Variants in METTL16 observed in about 807,000 individuals in gnomAD.
METTL16 encodes RNA N(6)-adenosine-methyltransferase METTL16.
In METTL16, 19 loss-of-function variants were observed where a neutral mutation model predicts 57.9. The ratio of observed to expected loss-of-function variants is 0.33; its 90% confidence interval spans 0.23 to 0.48. The LOEUF (loss-of-function observed/expected upper bound fraction) is 0.48, where lower values mean the gene tolerates loss of function less well. Ranked by LOEUF, METTL16 falls within the 20% of genes least tolerant of loss-of-function variation. METTL16 has a pLI of 0.99. For missense variants in METTL16, 434 were observed against 691.5 expected (o/e 0.63, Z 4.18); for synonymous variants, 246 against 255.6 (o/e 0.96, Z 0.36).
At chr17:2,474,393 A>G (rs2067255819) in intron 3 of METTL16, among the ~76,000 whole-genome samples, 1 of 150,804 alleles carries the variant, frequency 6.6e-6, no homozygotes, top group East Asian at 1.9e-4. Context: ...AAAGAAAAAA[A>G]AAAAAAAAAA....
At chr17:2,438,593 C>G (rs920966746) in intron 7 of METTL16, among the ~76,000 whole-genome samples, 4 of 152,110 alleles carry the variant, frequency 2.6e-5, no homozygotes, top group Non-Finnish European at 5.9e-5. Context: ...CCTCCACCTC[C>G]CAGATTCAAG....
At chr17:2,474,293 G>C (rs1019488153) in intron 3 of METTL16, among the ~76,000 whole-genome samples, 7 of 147,370 alleles carry the variant, frequency 4.7e-5, no homozygotes, top group African/African-American at 1.8e-4. Flanking sequence ...TTCTCCAAAA[G>C]CAGGAAAAAA....
chr17:2,460,633 C>T (rs2067142976), intron 6 of METTL16, among the ~76,000 whole-genome samples: 1 of 152,278 alleles, frequency 6.6e-6, no homozygotes, highest in Non-Finnish European at 1.5e-5. Context: ...CGCCTGTAAT[C>T]CCAGCACTTT....
At chr17:2,488,591 A>G (rs2067360960) in intron 2 of METTL16, among the ~76,000 whole-genome samples, 1 of 152,128 alleles carries the variant, frequency 6.6e-6, no homozygotes, top group African/African-American at 2.4e-5. Flanking sequence ...AAAAAAAACA[A>G]AAAAAAGGAA....
In METTL16 at chr17:2,420,819, G is replaced by A; in HGVS notation, c.974C>T (p.Ser325Phe). 1 of 1,614,206 alleles carries A rather than the reference G, an allele frequency of 6.2e-7. No homozygotes were observed. Among genetic ancestry groups the A allele is most frequent in the Non-Finnish European group, 8.5e-7 (1 of 1,180,048 alleles). The part of the protein sequence containing the change: ...VVLASVMKEL[S>F]LKASPLRSET... ...CGAGCGCAGAGGTGATGCTTTGAGG[G>A]ATAATTCCTTCATCACGGACGCCAG... Residue 325 changes from serine (S) to phenylalanine (F), a missense_variant, in exon 9 of 10, where the codon TCC (serine) becomes TTC (phenylalanine). Transcript: ENST00000263092. The surrounding 1 kb of genome is among the most constrained non-coding windows in gnomAD (Gnocchi z 5.4).
At chr17:2,510,607 G>A (rs957875061) in intron 1 of METTL16, among the ~76,000 whole-genome samples, 6 of 152,082 alleles carry the variant, frequency 3.9e-5, no homozygotes, top group African/African-American at 1.4e-4. Flanking sequence ...CCCAATATAG[G>A]CAATGAGTTC....
At chr17:2,421,003 C>T in intron 8 of METTL16, 99 bp from the exon 9 acceptor site, 1 of 1,323,902 alleles carries the variant, frequency 7.6e-7, no homozygotes, top group Non-Finnish European at 1.1e-6. Context: ...ACAACTTCTG[C>T]TACCAATCAT....
intron 6 of METTL16, among the ~76,000 whole-genome samples, chr17:2,456,989 T>C (rs748786704): frequency 5.3e-5 from 8 of 151,586 alleles, no homozygotes; most frequent in Non-Finnish European, 1.2e-4. Context: ...CTCCATTTTC[T>C]AATTTCCTGT....
chr17:2,506,815 G>T (rs1336314049), intron 1 of METTL16, among the ~76,000 whole-genome samples: 1 of 149,788 alleles, frequency 6.7e-6, no homozygotes, highest in Non-Finnish European at 1.5e-5. Flanking sequence ...GTCTCTGCCC[G>T]GCCGCCATCC....
chr17:2,491,641 C>T (rs1266654092), intron 2 of METTL16, among the ~76,000 whole-genome samples: 4 of 151,954 alleles, frequency 2.6e-5, no homozygotes, highest in East Asian at 1.9e-4. Flanking sequence ...GTTGGGAGGC[C>T]AAGGCGGGTG....
intron 2 of METTL16, among the ~76,000 whole-genome samples, chr17:2,498,654 G>A (rs1222073165): frequency 6.6e-6 from 1 of 151,230 alleles, no homozygotes; most frequent in African/African-American, 2.5e-5. Flanking sequence ...CAGGAGAATC[G>A]TTTGAACCCA....
chr17:2,506,005 G>A (rs1265351891), intron 1 of METTL16, among the ~76,000 whole-genome samples: 3 of 151,368 alleles, frequency 2.0e-5, no homozygotes, highest in Admixed American at 6.6e-5. Context: ...GTCTCCCTCT[G>A]TCACCAGGCT....
chr17:2,505,594 A>G (rs989516492), intron 1 of METTL16, among the ~76,000 whole-genome samples: 6 of 151,484 alleles, frequency 4.0e-5, no homozygotes, highest in Non-Finnish European at 8.8e-5. Context: ...TAGAGACTAC[A>G]TTGCCCAGGC....
chr17:2,430,496 A>G (rs1162671268), intron 8 of METTL16, among the ~76,000 whole-genome samples: 164 of 144,238 alleles, frequency 1.1e-3, no homozygotes, highest in African/African-American at 3.8e-3. Context: ...GCTCACTGCA[A>G]GCTCCGCCTC....
intron 2 of METTL16, among the ~76,000 whole-genome samples, chr17:2,498,693 G>A (rs111274012): frequency 0.042 from 6,306 of 150,956 alleles, 190 homozygotes; most frequent in Non-Finnish European, 0.053. Flanking sequence ...GAACCAAGAT[G>A]ACATTACTGC....
chr17:2,492,506 C>T (rs2067406338), intron 2 of METTL16, among the ~76,000 whole-genome samples: 1 of 152,128 alleles, frequency 6.6e-6, no homozygotes, highest in African/African-American at 2.4e-5. Context: ...AGTCATTCTA[C>T]ACAACTGCTA....
chr17:2,431,703 T>G (rs2066875152), intron 8 of METTL16, among the ~76,000 whole-genome samples: 2 of 152,122 alleles, frequency 1.3e-5, no homozygotes, highest in African/African-American at 2.4e-5. Context: ...TTAACATCCT[T>G]TTTGGTATCT....
At chr17:2,507,963 T>A (rs2067559407) in intron 1 of METTL16, among the ~76,000 whole-genome samples, 1 of 152,242 alleles carries the variant, frequency 6.6e-6, no homozygotes, top group Admixed American at 6.5e-5. Context: ...CTCCCTAATC[T>A]CAAGTACCCA....
Position 2,441,470 on chromosome 17 carries a change from C to A in METTL16, c.798+20G>T. On this transcript the variant is annotated intron_variant, in intron 7 of 9. Coordinates refer to ENST00000263092, the MANE Select transcript of METTL16 (RefSeq NM_024086.4). ...ACAAAGAAAAGTAGCTACACGAGAA[C>A]AGTAATGAGGAAGCCTCACCCCTTG... is the stretch of plus-strand genomic sequence containing the variant. 1 of 1,551,146 alleles carries A rather than the reference C, an allele frequency of 6.4e-7. No homozygotes were observed. Among genetic ancestry groups the A allele is most frequent in the African/African-American group, 1.4e-5 (1 of 72,564 alleles).
Sources: gnomAD v4.1 joint callset for allele counts (sites outside exome capture counted in the v4.1 genomes callset) on GRCh38, gnomAD v4.1.1 for gene constraint, Gnocchi (gnomAD v3.1) non-coding constraint, MANE v1.5 for transcripts, NCBI Gene and HGNC (gene_info 2026-07-23, HGNC 2026-07-21) for gene names.